Variants in VAMP4 observed in about 807,000 individuals in gnomAD.
The protein encoded by VAMP4 is vesicle associated membrane protein 4.
A neutral mutation model predicts 23.5 loss-of-function variants in VAMP4; 19 were observed. The ratio of observed to expected loss-of-function variants is 0.81; its 90% CI spans 0.56 to 1.19. VAMP4 has a LOEUF of 1.19. VAMP4 is among the 50% of genes most tolerant of loss of function. The probability of loss-of-function intolerance (pLI) is 0.00; values close to 1 mark genes in which losing one functional copy is unlikely to be tolerated. For missense variants in VAMP4, 145 were observed against 168.6 expected, an observed-to-expected ratio of 0.86 and a Z score of 0.78; for synonymous variants, 31 against 51.0, an observed-to-expected ratio of 0.61 and a Z score of 1.67.
intron 1 of VAMP4, among the ~76,000 whole-genome samples, chr1:171,739,398 C>T (rs1344636698): frequency 6.6e-6 from 1 of 152,222 alleles, no homozygotes; most frequent in Non-Finnish European, 1.5e-5. Context: ...CTCTGTACCC[C>T]TTGCCCTATG....
intron 2 of VAMP4, among the ~76,000 whole-genome samples, chr1:171,731,794 C>G (rs562624417): frequency 2.0e-5 from 3 of 152,084 alleles, no homozygotes; most frequent in African/African-American, 7.2e-5. Flanking sequence ...TGGGGAAAAG[C>G]AGGGGTAGAA....
At position 171,740,410 on chromosome 1, in the gene VAMP4, C is replaced by T. The variant is rs141641954; in HGVS notation, c.-50+1500G>A. On this transcript the variant is annotated intron_variant, in intron 1 of 7. Transcript: ENST00000236192. ...AGAATAATCCCAGGATCTGGCTTCA[C>T]GAACCAAATAAAAGTAATGTTTTAA... Among the ~76,000 whole-genome samples, 39 of 152,272 alleles carry T rather than the reference C, an allele frequency of 2.6e-4. No homozygotes were observed. In the East Asian group the frequency reaches 6.7e-3, roughly 26 times the overall value.
At chr1:171,731,449 T>C (rs1009696366) in intron 2 of VAMP4, among the ~76,000 whole-genome samples, 1 of 144,824 alleles carries the variant, frequency 6.9e-6, no homozygotes, top group South Asian at 2.1e-4. Context: ...TTGCAACAAA[T>C]GCTATGCAGA....
chr1:171,741,117 T>C (rs184524359), intron 1 of VAMP4, among the ~76,000 whole-genome samples: 15 of 152,356 alleles, frequency 9.8e-5, no homozygotes, highest in Admixed American at 4.6e-4. Context: ...TACTTCCACA[T>C]TGAGGATAGA....
intron 2 of VAMP4, among the ~76,000 whole-genome samples, chr1:171,736,470 A>C (rs1465878249): frequency 6.6e-6 from 1 of 152,188 alleles, no homozygotes; most frequent in Non-Finnish European, 1.5e-5. Context: ...CATGGCATGG[A>C]GGAAAAGATA....
At chr1:171,713,968 T>A (rs1654945281) in intron 4 of VAMP4, among the ~76,000 whole-genome samples, 1 of 152,220 alleles carries the variant, frequency 6.6e-6, no homozygotes, top group Non-Finnish European at 1.5e-5. Flanking sequence ...GGCACACATG[T>A]AATAAATCAC....
At chr1:171,718,547 A>G (rs951036341) in intron 4 of VAMP4, among the ~76,000 whole-genome samples, 3 of 152,172 alleles carry the variant, frequency 2.0e-5, no homozygotes, top group African/African-American at 7.2e-5. Flanking sequence ...ACCAAATAAT[A>G]TATACCTCAA....
chr1:171,731,048 C>CAAAAA (rs11370834), intron 2 of VAMP4, among the ~76,000 whole-genome samples: 1 of 147,058 alleles, frequency 6.8e-6, no homozygotes. Flanking sequence ...ACTAAAAATA[C>CAAAAA]AAAAAAACAA....
At chr1:171,708,344 A>AT (rs1362088352) in intron 6 of VAMP4, among the ~76,000 whole-genome samples, 10 of 151,580 alleles carry the variant, frequency 6.6e-5, no homozygotes, top group African/African-American at 2.2e-4. Context: ...CCACAAAAAA[A>AT]AAAAAAAAAA....
At chr1:171,718,966 C>T (rs1038729705) in intron 4 of VAMP4, among the ~76,000 whole-genome samples, 4 of 152,158 alleles carry the variant, frequency 2.6e-5, no homozygotes, top group African/African-American at 9.7e-5. Context: ...AAATGTGACA[C>T]AGCTTTGTCA....
intron 1 of VAMP4, among the ~76,000 whole-genome samples, chr1:171,740,999 C>T (rs967607529): frequency 6.6e-6 from 1 of 152,150 alleles, no homozygotes; most frequent in African/African-American, 2.4e-5. Flanking sequence ...AAATCATGCT[C>T]AGAAAGTAGA....
intron 2 of VAMP4, among the ~76,000 whole-genome samples, chr1:171,732,631 T>C (rs1655601563): frequency 6.6e-6 from 1 of 152,072 alleles, no homozygotes; most frequent in South Asian, 2.1e-4. Context: ...TGAAAGACAC[T>C]GGGAAGATCA....
intron 4 of VAMP4, among the ~76,000 whole-genome samples, chr1:171,714,830 C>G (rs1654977635): frequency 6.6e-6 from 1 of 152,056 alleles, no homozygotes; most frequent in South Asian, 2.1e-4. Flanking sequence ...AGGTTATGAG[C>G]CTGGTATTTA....
In VAMP4 at chr1:171,712,929, C is replaced by T. The variant is rs1333288927; in HGVS notation, c.165-2115G>A. On this transcript the variant is annotated intron_variant, in intron 4 of 7. Coordinates refer to ENST00000236192, the MANE Select transcript of VAMP4 (RefSeq NM_003762.5). ...TAGCTGTGAAACAGCATGCTTTACC[C>T]CATTACTCTATTTTATTTATAGCAT... is the stretch of plus-strand genomic sequence containing the variant. Among the ~76,000 whole-genome samples, 6 of 152,130 alleles carry T rather than the reference C, an allele frequency of 3.9e-5. No individual in the cohort carries two copies. The South Asian group carries it at 1.0e-3, about 26-fold the overall frequency.
chr1:171,728,549 A>T lies in VAMP4; in HGVS notation c.88T>A (p.Ser30Thr). The stretch of plus-strand genomic sequence containing the variant: ...AGAAAAAAGTCCTCTTCTTCATCTG[A>T]ATCATCTTCCAAAAGATTTCTCTGT... ...SERRNLLEDD[S>T]DEEEDFFLRG... Residue 30 changes from serine (S) to threonine (T), a missense_variant, in exon 3 of 8, where the codon TCA becomes ACA. Coordinates refer to ENST00000236192, the MANE Select transcript of VAMP4 (RefSeq NM_003762.5). 6.4e-7 allele frequency: 1 copy of T among 1,553,862 alleles called. No individual in the cohort carries two copies. Among genetic ancestry groups the T allele is most frequent in the Non-Finnish European group, 8.7e-7 (1 of 1,151,132 alleles).
intron 6 of VAMP4, among the ~76,000 whole-genome samples, chr1:171,708,310 A>G (rs1300353067): frequency 6.9e-6 from 1 of 144,008 alleles, no homozygotes; most frequent in Non-Finnish European, 1.5e-5. Flanking sequence ...ACTGCACTCC[A>G]GCCTCAGAGA....
rs1654537159 is a variant in VAMP4, at chr1:171,703,451, A to ATATATATATG, written c.*1054_*1055insCATATATATA. 8 of 113,570 alleles carry ATATATATATG rather than the reference A, an allele frequency of 7.0e-5. No homozygotes were observed. The highest frequency in any genetic ancestry group is 2.4e-4 in the African/African-American group (7 of 29,012). 7.0% of individuals were successfully genotyped at this position (113,570 alleles called of 1,614,324 possible). On this transcript the variant is annotated 3_prime_UTR_variant, in exon 8 of 8. Coordinates refer to ENST00000236192, the MANE Select transcript of VAMP4 (RefSeq NM_003762.5). ...TATATATATATATATATATATATAT[A>ATATATATATG]TATATATATATATATATACACATAG...
intron 4 of VAMP4, among the ~76,000 whole-genome samples, chr1:171,713,173 C>T (rs998208646): frequency 3.4e-4 from 51 of 152,084 alleles, no homozygotes; most frequent in Non-Finnish European, 4.3e-4. Flanking sequence ...TCCTATAAAG[C>T]ATATCCAGCT....
At chr1:171,715,082 T>C (rs553251840) in intron 4 of VAMP4, among the ~76,000 whole-genome samples, 4 of 152,136 alleles carry the variant, frequency 2.6e-5, no homozygotes, top group Non-Finnish European at 5.9e-5. Flanking sequence ...GGAGGTAATA[T>C]TTTAAGAACT....
Sources: allele counts gnomAD v4.1 joint callset (sites outside exome capture counted in the v4.1 genomes callset), GRCh38; gene constraint gnomAD v4.1.1; transcripts MANE v1.5; gene names NCBI Gene and HGNC (gene_info 2026-07-23, HGNC 2026-07-21).